The following MYO1B variants were observed in gnomAD, a reference collection of about 807,000 sequenced individuals.
MYO1B encodes the protein myosin IB, also known as unconventional myosin-Ib.
In MYO1B, 72 loss-of-function variants were observed where a neutral mutation model predicts 159.7. That is an observed-to-expected ratio of 0.45 (90% CI 0.37 to 0.55). MYO1B has a LOEUF of 0.55. Ranked by LOEUF, MYO1B falls within the 20% of genes least tolerant of loss-of-function variation. The pLI, the probability that MYO1B is intolerant of heterozygous loss-of-function variation, is 0.00. For synonymous variants in MYO1B, 468 were observed against 473.8 expected, an observed-to-expected ratio of 0.99 and a Z score of 0.16; for missense variants, 1,062 against 1,364.8, an observed-to-expected ratio of 0.78 and a Z score of 3.50.
At chr2:191,333,665 A>AC (rs772847273) in intron 4 of MYO1B, among the ~76,000 whole-genome samples, 1 of 151,750 alleles carries the variant, frequency 6.6e-6, no homozygotes, top group Non-Finnish European at 1.5e-5. Flanking sequence ...CATTTTACAG[A>AC]CCCCAGTCTT....
At chr2:191,253,582 A>AG (rs1352834099) in intron 1 of MYO1B, among the ~76,000 whole-genome samples, 1 of 151,962 alleles carries the variant, frequency 6.6e-6, no homozygotes, top group African/African-American at 2.4e-5. Flanking sequence ...TTAAAAAAAA[A>AG]AAAGAAAATA....
intron 16 of MYO1B, among the ~76,000 whole-genome samples, chr2:191,386,669 T>G (rs1046663353): frequency 2.0e-5 from 3 of 152,070 alleles, no homozygotes; most frequent in African/African-American, 7.2e-5. Context: ...ATTGCAAACT[T>G]CAAAGGGAAA....
chr2:191,312,261 T>C (rs1053813480), intron 3 of MYO1B, among the ~76,000 whole-genome samples: 6 of 152,218 alleles, frequency 3.9e-5, no homozygotes, highest in African/African-American at 1.2e-4. Flanking sequence ...TGGCCTCTTG[T>C]GGCCTACTGT....
At chr2:191,393,830 A>G (rs981305766) in intron 20 of MYO1B, among the ~76,000 whole-genome samples, 6 of 152,082 alleles carry the variant, frequency 3.9e-5, no homozygotes, top group Admixed American at 3.3e-4. Context: ...TCCTCATTTG[A>G]TTGTAGAGAT....
At chr2:191,324,696 G>A (rs909931007) in intron 3 of MYO1B, among the ~76,000 whole-genome samples, 10 of 152,132 alleles carry the variant, frequency 6.6e-5, no homozygotes, top group Non-Finnish European at 1.3e-4. Context: ...GTGGCTAGCA[G>A]GGGTAACTGT....
At chr2:191,402,586 G>C (rs1482414857) in intron 23 of MYO1B, 46 bp from the exon 24 acceptor site, 1 of 1,514,816 alleles carries the variant, frequency 6.6e-7, no homozygotes, top group South Asian at 1.2e-5. Flanking sequence ...CATTTGTGCT[G>C]TCTGCATTGG....
intron 4 of MYO1B, among the ~76,000 whole-genome samples, chr2:191,332,585 A>G (rs925791568): frequency 6.6e-6 from 1 of 152,186 alleles, no homozygotes; most frequent in Admixed American, 6.5e-5. Flanking sequence ...TTCAGCACTT[A>G]TCACGTGCTG....
Position 191,416,196 on chromosome 2 carries a change from ACT to A in MYO1B, c.3245_3246del (p.Leu1082GlnfsTer10). The A allele has an allele frequency of 6.2e-7, 1 of 1,614,008 alleles. No homozygotes were observed. Among genetic ancestry groups the A allele is most frequent in the Non-Finnish European group, 8.5e-7 (1 of 1,180,006 alleles). The stretch of plus-strand genomic sequence containing the variant: ...AATGGCCACCAAGCTCTATCGCACA[ACT>A]CTCAGCCAAACCAAACAGAAGCTCA... ...IEMATKLYRT[T>X]LSQTKQKLNI... On this transcript the variant is annotated frameshift_variant, in exon 30 of 31. Coordinates refer to ENST00000392318, the MANE Select transcript of MYO1B (RefSeq NM_001130158.3). LOFTEE classifies it high-confidence loss of function.
intron 7 of MYO1B, among the ~76,000 whole-genome samples, chr2:191,357,814 G>T (rs1416487679): frequency 6.6e-6 from 1 of 152,146 alleles, no homozygotes; most frequent in African/African-American, 2.4e-5. Context: ...GATTATGTTG[G>T]TGCATGCACA....
chr2:191,276,736 A>G (rs1687775381), intron 1 of MYO1B, 151 bp from the exon 2 acceptor site: 1 of 836,868 alleles, frequency 1.2e-6, no homozygotes, highest in Admixed American at 3.3e-5. Context: ...GAGGCTCCTG[A>G]TGTGGTTCAT....
At chr2:191,395,505 A>G (rs1321351554) in intron 20 of MYO1B, among the ~76,000 whole-genome samples, 2 of 152,228 alleles carry the variant, frequency 1.3e-5, no homozygotes, top group Non-Finnish European at 2.9e-5. Flanking sequence ...GGGATTCACA[A>G]TGTGACTTTA....
At chr2:191,288,445 G>A (rs1688509505) in intron 2 of MYO1B, among the ~76,000 whole-genome samples, 2 of 152,040 alleles carry the variant, frequency 1.3e-5, no homozygotes. Context: ...TAACCCTGGA[G>A]CACTCATTAG....
At chr2:191,386,154 A>G (rs1695385627) in intron 16 of MYO1B, 70 bp downstream of exon 16, 1 of 1,470,482 alleles carries the variant, frequency 6.8e-7, no homozygotes, top group African/African-American at 1.4e-5. Context: ...TACCTCAGAG[A>G]TGGGCGTTCG....
chr2:191,421,737 A>G (rs1166059195), intron 30 of MYO1B, among the ~76,000 whole-genome samples: 1 of 152,212 alleles, frequency 6.6e-6, no homozygotes, highest in East Asian at 1.9e-4. Context: ...TGGCCTCCCA[A>G]AGTGCTGGGA....
intron 3 of MYO1B, among the ~76,000 whole-genome samples, chr2:191,305,900 C>T (rs1689624309): frequency 6.6e-6 from 1 of 152,034 alleles, no homozygotes; most frequent in African/African-American, 2.4e-5. Flanking sequence ...ACTCTAGGCT[C>T]AGGAGAGAAT....
At chr2:191,286,671 G>A (rs751963305) in intron 2 of MYO1B, among the ~76,000 whole-genome samples, 11 of 152,144 alleles carry the variant, frequency 7.2e-5, no homozygotes, top group Non-Finnish European at 2.9e-5. Flanking sequence ...CGTGGCTAAT[G>A]CCTATAATCC....
Position 191,382,702 on chromosome 2 carries a change from T to G in MYO1B, c.1291-578T>G, listed in dbSNP as rs1435739764. 3.3e-5 allele frequency among the ~76,000 whole-genome samples: 5 copies of G among 152,362 alleles called. No homozygotes were observed. The East Asian group carries it at 9.6e-4, about 29-fold the overall frequency. ...GAAAGATTACATTTGGCTTTATGGATTTGGCTTTGTAGCCAGTGTTAGAAC... is the reference window on the plus strand; with the variant it reads ...GAAAGATTACATTTGGCTTTATGGAGTTGGCTTTGTAGCCAGTGTTAGAAC... On this transcript the variant is annotated intron_variant, in intron 14 of 30. Coordinates refer to ENST00000392318, the MANE Select transcript of MYO1B (RefSeq NM_001130158.3).
chr2:191,279,396 A>G (rs1362219149), intron 2 of MYO1B, among the ~76,000 whole-genome samples: 1 of 151,546 alleles, frequency 6.6e-6, no homozygotes, highest in Admixed American at 6.6e-5. Flanking sequence ...ATGTACAGAG[A>G]GACAGGTATG....
intron 3 of MYO1B, among the ~76,000 whole-genome samples, chr2:191,310,473 G>A (rs1320914573): frequency 6.6e-6 from 1 of 152,218 alleles, no homozygotes; most frequent in African/African-American, 2.4e-5. Flanking sequence ...GAAGTGCTGG[G>A]ATTACAGGCA....
Sources: gnomAD v4.1 joint callset for allele counts (sites outside exome capture counted in the v4.1 genomes callset) on GRCh38, gnomAD v4.1.1 for gene constraint, MANE v1.5 for transcripts, NCBI Gene and HGNC (gene_info 2026-07-23, HGNC 2026-07-21) for gene names.